Variants in CD200R1 observed in about 807,000 individuals in gnomAD.
CD200R1 encodes cell surface glycoprotein CD200 receptor 1.
CD200R1 carries 30 observed loss-of-function variants against 38.1 expected under a neutral mutation model. The ratio of observed to expected loss-of-function variants is 0.79; its 90% confidence interval spans 0.59 to 1.07. The LOEUF is 1.07. Among genes scored for constraint, CD200R1 ranks in the 50% least tolerant of loss-of-function variants. The pLI, the probability that CD200R1 is intolerant of heterozygous loss-of-function variation, is 0.00. For missense variants in CD200R1, 372 were observed against 415.4 expected, an observed-to-expected ratio of 0.90 and a Z score of 0.91; for synonymous variants, 128 against 152.1, an observed-to-expected ratio of 0.84 and a Z score of 1.16.
Position 112,925,096 on chromosome 3 carries a change from G to A in CD200R1, c.867C>T (p.Val289=), listed in dbSNP as rs1056536002. 2 of 1,573,202 alleles carry A rather than the reference G, an allele frequency of 1.3e-6. No individual in the cohort carries two copies. The highest frequency in any genetic ancestry group is 1.7e-6 in the Non-Finnish European group (2 of 1,144,064). Residue 289 remains valine (V), a synonymous_variant, in exon 6 of 8, where the codon GTC becomes GTT. Transcript: ENST00000308611. ...TCATTAGTCAATACCTGCAGCCATT[G>A]ACTTTCAACAACCAAATGAATCCCA... is the stretch of plus-strand genomic sequence containing the variant. The part of the protein sequence containing the change: ...TIVGFIWLLK[V]NGCRKYKLNK...
intron 1 of CD200R1, among the ~76,000 whole-genome samples, chr3:112,964,033 C>T (rs1933090794): frequency 1.3e-5 from 2 of 152,306 alleles, no homozygotes; most frequent in South Asian, 4.1e-4. Flanking sequence ...GCTGTGGCAG[C>T]TTCCATGTGG....
chr3:112,965,654 G>A (rs577948604), intron 1 of CD200R1, among the ~76,000 whole-genome samples: 32 of 152,194 alleles, frequency 2.1e-4, no homozygotes, highest in Admixed American at 2.0e-4. Context: ...CCAGCTCCTC[G>A]GGAGGCTAAG....
chr3:112,966,102 C>A (rs1933154332), intron 1 of CD200R1, among the ~76,000 whole-genome samples: 1 of 152,116 alleles, frequency 6.6e-6, no homozygotes, highest in Non-Finnish European at 1.5e-5. Context: ...AGAAACCTTA[C>A]CATCTGTGGA....
intron 1 of CD200R1, among the ~76,000 whole-genome samples, chr3:112,950,928 G>C (rs1005399123): frequency 6.6e-6 from 1 of 152,102 alleles, no homozygotes; most frequent in African/African-American, 2.4e-5. Context: ...TTTAGGAAAA[G>C]TAATACCTTT....
Position 112,963,707 on chromosome 3 carries a change from A to G in CD200R1, c.67+11084T>C, listed in dbSNP as rs530737543. On this transcript the variant is annotated intron_variant, in intron 1 of 7. Transcript: ENST00000308611. Reference sequence around the variant, plus strand: ...AAAATTTGCAGCCTGACAGTGTCATAGAAAAAAAAAATCCCACTTTCTGAG... The same window carrying G: ...AAAATTTGCAGCCTGACAGTGTCATGGAAAAAAAAAATCCCACTTTCTGAG... 5.9e-5 allele frequency among the ~76,000 whole-genome samples: 9 copies of G among 152,194 alleles called. No homozygotes were observed. The South Asian group carries it at 1.9e-3, about 32-fold the overall frequency.
intron 1 of CD200R1, among the ~76,000 whole-genome samples, chr3:112,972,531 A>G (rs1933334865): frequency 7.0e-6 from 1 of 143,618 alleles, no homozygotes; most frequent in Non-Finnish European, 1.6e-5. Context: ...ACAAAAATCT[A>G]GAAGACAATA....
At chr3:112,931,733 A>G (rs370635585) in intron 2 of CD200R1, among the ~76,000 whole-genome samples, 6 of 152,236 alleles carry the variant, frequency 3.9e-5, no homozygotes, top group South Asian at 2.1e-4. Context: ...GGCTGACTAG[A>G]GGCCCCTGGT....
chr3:112,927,135 T>C (rs1313897278), intron 5 of CD200R1, among the ~76,000 whole-genome samples: 19 of 152,072 alleles, frequency 1.2e-4, no homozygotes. Flanking sequence ...GAAGATGAAC[T>C]GGAGAGACTC....
At chr3:112,949,983 T>A (rs759635764) in intron 1 of CD200R1, among the ~76,000 whole-genome samples, 1 of 152,122 alleles carries the variant, frequency 6.6e-6, no homozygotes, top group Non-Finnish European at 1.5e-5. Flanking sequence ...ACTAAACATA[T>A]GGACAGAAAT....
intron 2 of CD200R1, among the ~76,000 whole-genome samples, chr3:112,941,949 GA>G (rs370373890): frequency 6.6e-6 from 1 of 151,430 alleles, no homozygotes; most frequent in African/African-American, 2.4e-5. Context: ...GGTGTTGAGG[GA>G]AAAAAACTAC....
At chr3:112,931,286 A>G in intron 2 of CD200R1, 115 bp from the exon 3 acceptor site, 1 of 596,166 alleles carries the variant, frequency 1.7e-6, no homozygotes, top group African/African-American at 1.8e-5. Context: ...AACCATAATT[A>G]AAATTACACA....
At chr3:112,926,127 A>G (rs1449751738) in intron 5 of CD200R1, among the ~76,000 whole-genome samples, 1 of 152,202 alleles carries the variant, frequency 6.6e-6, no homozygotes, top group Non-Finnish European at 1.5e-5. Flanking sequence ...TGAAACTGAA[A>G]TGAATACACA....
intron 1 of CD200R1, among the ~76,000 whole-genome samples, chr3:112,956,001 G>C (rs79019760): frequency 0.031 from 4,728 of 151,992 alleles, 275 homozygotes; most frequent in African/African-American, 0.11. Flanking sequence ...TACTTGGATT[G>C]AATCTGATTG....
At chr3:112,958,046 A>C (rs750298492) in intron 1 of CD200R1, among the ~76,000 whole-genome samples, 8 of 152,196 alleles carry the variant, frequency 5.3e-5, no homozygotes, top group Non-Finnish European at 1.2e-4. Flanking sequence ...GGGAATGTAA[A>C]ATAATGTAAA....
At chr3:112,951,319 A>G (rs1167005219) in intron 1 of CD200R1, among the ~76,000 whole-genome samples, 1 of 152,056 alleles carries the variant, frequency 6.6e-6, no homozygotes, top group African/African-American at 2.4e-5. Context: ...AAGAATAAAA[A>G]AACTGAAAAG....
chr3:112,926,259 C>A (rs1166893579), intron 5 of CD200R1, among the ~76,000 whole-genome samples: 2 of 152,160 alleles, frequency 1.3e-5, no homozygotes, highest in Non-Finnish European at 2.9e-5. Flanking sequence ...CCTGGTGTTG[C>A]ATGAATATAG....
chr3:112,923,416 C>T lies in CD200R1; in HGVS notation c.*261G>A, dbSNP rs531801592. ...AAATTTGGTTTTCATTATTTACTGT[C>T]CTGCACAATTTGAATATTTGGTCAT... On this transcript the variant is annotated 3_prime_UTR_variant, in exon 8 of 8. Transcript: ENST00000308611. 55 of 268,656 alleles carry T rather than the reference C, an allele frequency of 2.0e-4. 2 individuals are homozygous for T. The South Asian group carries it at 3.5e-3, about 17-fold the overall frequency. The allele number at this position is 268,656 out of a possible 1,614,324, so 16.6% of individuals were successfully genotyped here.
At chr3:112,930,840 C>G in intron 3 of CD200R1, among the ~76,000 whole-genome samples, 1 of 152,200 alleles carries the variant, frequency 6.6e-6, no homozygotes, top group East Asian at 1.9e-4. Flanking sequence ...AGAGGTAATA[C>G]TTTAACATAG....
intron 3 of CD200R1, among the ~76,000 whole-genome samples, chr3:112,930,466 T>C (rs1940402245): frequency 6.6e-6 from 1 of 152,222 alleles, no homozygotes; most frequent in Non-Finnish European, 1.5e-5. Flanking sequence ...CTGTTGTCCA[T>C]CATTTAAAGG....
Sources: allele counts gnomAD v4.1 joint callset (sites outside exome capture counted in the v4.1 genomes callset), GRCh38; gene constraint gnomAD v4.1.1; transcripts MANE v1.5; gene names NCBI Gene and HGNC (gene_info 2026-07-23, HGNC 2026-07-21).